PROSER2: variants seen among roughly 807,000 people sequenced by gnomAD.
PROSER2 encodes proline and serine rich 2.
PROSER2 carries 18 observed loss-of-function variants against 14.6 expected under a neutral mutation model. The observed-to-expected ratio is 1.23, with a 90% CI of 0.85 to 1.83. The LOEUF (loss-of-function observed/expected upper bound fraction) is 1.83, where lower values mean the gene tolerates loss of function less well. PROSER2 is among the 40% of genes most tolerant of loss of function. PROSER2 has a pLI of 0.00. For synonymous variants in PROSER2, 367 were observed against 286.4 expected, an observed-to-expected ratio of 1.28 and a Z score of -2.84; for missense variants, 823 against 629.8, an observed-to-expected ratio of 1.31 and a Z score of -3.28.
In PROSER2 at chr10:11,866,668, G is replaced by C. The variant is rs61735192; in HGVS notation, c.276G>C (p.Pro92=). 6.2e-6 allele frequency: 10 copies of C among 1,614,006 alleles called. No individual in the cohort carries two copies. Among genetic ancestry groups the C allele is most frequent in the Non-Finnish European group, 3.4e-6 (4 of 1,180,044 alleles). The part of the protein sequence containing the change: ...CDGGVCCLCS[P]SLEESTSSPS... ...GAGGAGTGTGCTGCCTCTGCTCCCC[G>C]TCTCTGGAGGAGAGCACCTCCAGTC... The change falls in exon 3 of 4, where the codon CCG becomes CCC. Residue 92 remains proline (P), a synonymous_variant. Transcript: ENST00000277570. The surrounding 1 kb of genome is among the most constrained non-coding windows in gnomAD (Gnocchi z 6.0).
At chr10:11,860,076 C>G (rs1040156241) in intron 2 of PROSER2, among the ~76,000 whole-genome samples, 1 of 152,228 alleles carries the variant, frequency 6.6e-6, no homozygotes, top group African/African-American at 2.4e-5. Context: ...GAAGGCAGAT[C>G]CGGGTTCACT....
At chr10:11,843,183 G>A (rs575572131) in intron 1 of PROSER2, among the ~76,000 whole-genome samples, 20 of 149,374 alleles carry the variant, frequency 1.3e-4, no homozygotes, top group South Asian at 8.5e-4. Context: ...CTCGTGATCC[G>A]CCCACCTCGG....
intron 2 of PROSER2, 148 bp downstream of exon 2, chr10:11,852,363 A>G (rs1254965148): frequency 5.5e-6 from 5 of 901,704 alleles, no homozygotes; most frequent in Non-Finnish European, 8.0e-6. Flanking sequence ...GTGGTTCTTT[A>G]TTTTTAATCA....
At chr10:11,831,655 C>T (rs1588482968) in intron 1 of PROSER2, 1 of 152,216 alleles carries the variant, frequency 6.6e-6, no homozygotes, top group African/African-American at 2.4e-5. Context: ...CGCCTTCCTT[C>T]TGGGTCATTC....
chr10:11,849,368 C>A (rs1294772193), intron 1 of PROSER2, among the ~76,000 whole-genome samples: 1 of 152,192 alleles, frequency 6.6e-6, no homozygotes, highest in Non-Finnish European at 1.5e-5. Flanking sequence ...ACACTCCCAG[C>A]CTTTACCCCC....
chr10:11,867,685 G>A (rs1466519828), intron 3 of PROSER2, among the ~76,000 whole-genome samples: 10 of 152,182 alleles, frequency 6.6e-5, no homozygotes, highest in Non-Finnish European at 1.3e-4. Flanking sequence ...TCGGTAATGC[G>A]AGCCATGGGT....
intron 2 of PROSER2, among the ~76,000 whole-genome samples, chr10:11,860,570 G>A (rs145759608): frequency 0.095 from 14,371 of 151,828 alleles, 896 homozygotes; most frequent in Non-Finnish European, 0.14. Context: ...AGCCAAGATC[G>A]TGCCACTGCA....
intron 1 of PROSER2, among the ~76,000 whole-genome samples, chr10:11,829,028 T>G (rs1404510156): frequency 6.6e-6 from 1 of 152,078 alleles, no homozygotes; most frequent in Non-Finnish European, 1.5e-5. Flanking sequence ...AGTCAGTTAT[T>G]ATGCCGCAAG....
intron 1 of PROSER2, among the ~76,000 whole-genome samples, chr10:11,826,840 A>G (rs542141524): frequency 6.6e-6 from 1 of 150,382 alleles, no homozygotes; most frequent in South Asian, 2.1e-4. Flanking sequence ...TCGGCCTCCC[A>G]AAGTGCTGGG....
Position 11,870,608 on chromosome 10 carries a change from A to G in PROSER2, c.*202A>G. 2.1e-6 allele frequency: 1 copy of G among 480,348 alleles called. No individual in the cohort carries two copies. The highest frequency in any genetic ancestry group is 3.7e-6 in the Non-Finnish European group (1 of 267,122). 29.8% of individuals were successfully genotyped at this position (480,348 alleles called of 1,614,324 possible). ...GCAAGCTCCAGCCACCGGCACAGAGAACTCTTCCCTAAAGGAATCTGGCCG... is the reference window on the plus strand; with the variant it reads ...GCAAGCTCCAGCCACCGGCACAGAGGACTCTTCCCTAAAGGAATCTGGCCG... On this transcript the variant is annotated 3_prime_UTR_variant, in exon 4 of 4. Transcript: ENST00000277570.
intron 1 of PROSER2, among the ~76,000 whole-genome samples, chr10:11,833,019 T>G (rs80057387): frequency 0.019 from 2,815 of 152,028 alleles, 59 homozygotes; most frequent in African/African-American, 0.052. Context: ...ATTTTTGTAT[T>G]TTTTGGTAGA....
intron 1 of PROSER2, among the ~76,000 whole-genome samples, chr10:11,832,632 A>G (rs1232224266): frequency 2.0e-5 from 3 of 151,932 alleles, no homozygotes; most frequent in Non-Finnish European, 4.4e-5. Context: ...ACTCCCCTCC[A>G]CCGCCCCATG....
At chr10:11,840,662 C>T (rs1008022351) in intron 1 of PROSER2, among the ~76,000 whole-genome samples, 3 of 151,872 alleles carry the variant, frequency 2.0e-5, no homozygotes, top group Non-Finnish European at 4.4e-5. Flanking sequence ...CGCGGTGGCT[C>T]ATCCCTTGGC....
At chr10:11,847,802 T>C (rs1170595076) in intron 1 of PROSER2, among the ~76,000 whole-genome samples, 2 of 152,254 alleles carry the variant, frequency 1.3e-5, no homozygotes, top group African/African-American at 2.4e-5. Context: ...CCACTAAAAC[T>C]CTAAAACTTC....
At chr10:11,853,010 A>G (rs954944912) in intron 2 of PROSER2, among the ~76,000 whole-genome samples, 13 of 152,260 alleles carry the variant, frequency 8.5e-5, no homozygotes, top group African/African-American at 2.9e-4. Context: ...GAGGACATTC[A>G]TCTTTCAAGA....
intron 1 of PROSER2, among the ~76,000 whole-genome samples, chr10:11,843,133 G>C (rs994427295): frequency 3.4e-5 from 5 of 148,934 alleles, no homozygotes; most frequent in African/African-American, 1.2e-4. Flanking sequence ...GTATAGACGG[G>C]GTTTCACCAT....
In PROSER2 at chr10:11,870,020, G is replaced by T; in HGVS notation, c.922G>T (p.Gly308Trp). The T allele has an allele frequency of 2.4e-6, 3 of 1,243,156 alleles. No homozygotes were observed. The highest frequency in any genetic ancestry group is 3.1e-4 in the Middle Eastern group (1 of 3,188). The allele number at this position is 1,243,156 out of a possible 1,614,324, so 77.0% of individuals were successfully genotyped here. A position where few individuals can be genotyped will look rare whatever the true frequency, so the allele number is the denominator to read the frequency against. Reference protein sequence around the residue: ...AAGDAGEGAPGGGSSPERVAR... With the variant: ...AAGDAGEGAPWGGSSPERVAR... ...GGGGGACGCCGGCGAGGGGGCCCCA[G>T]GGGGCGGCTCCTCCCCGGAGCGGGT... The change falls in exon 4 of 4, where the codon GGG becomes TGG. Residue 308 changes from glycine to tryptophan, a missense_variant. Physicochemically the swap from Gly to Trp is radical, Grantham distance 184 (BLOSUM62 -2). Transcript: ENST00000277570.
intron 1 of PROSER2, among the ~76,000 whole-genome samples, chr10:11,824,255 T>G (rs1248819651): frequency 6.6e-6 from 1 of 152,174 alleles, no homozygotes; most frequent in Non-Finnish European, 1.5e-5. Context: ...TGTGTGTTTT[T>G]CCACCCTAAA....
chr10:11,840,266 T>TA (rs11290054), intron 1 of PROSER2, among the ~76,000 whole-genome samples: 228 of 145,130 alleles, frequency 1.6e-3, no homozygotes, highest in Non-Finnish European at 2.5e-3. Flanking sequence ...TTGTTGTCAT[T>TA]AAAAAAAAAA....
Sources: gnomAD v4.1 joint callset for allele counts (sites outside exome capture counted in the v4.1 genomes callset) on GRCh38, gnomAD v4.1.1 for gene constraint, Gnocchi (gnomAD v3.1) non-coding constraint, MANE v1.5 for transcripts, NCBI Gene and HGNC (gene_info 2026-07-23, HGNC 2026-07-21) for gene names.